Variants in IL7 observed in about 807,000 individuals in gnomAD.
The protein encoded by IL7 is interleukin 7, also known as interleukin-7.
A neutral mutation model predicts 21.6 loss-of-function variants in IL7; 3 were observed. The ratio of observed to expected loss-of-function variants is 0.14; its 90% CI spans 0.06 to 0.36. The LOEUF is 0.36. IL7 is among the 10% of genes least tolerant of loss of function. IL7 has a pLI of 1.00. For missense variants in IL7, 175 were observed against 200.2 expected (o/e 0.87, Z 0.76); for synonymous variants, 62 against 68.1 (o/e 0.91, Z 0.44).
chr8:78,755,146 A>C (rs563553101), intron 2 of IL7, among the ~76,000 whole-genome samples: 1 of 152,088 alleles, frequency 6.6e-6, no homozygotes, highest in South Asian at 2.1e-4. Context: ...CTGTAAATAC[A>C]TTGATTTATT....
chr8:78,712,306 T>C (rs1009863137), intron 3 of IL7, among the ~76,000 whole-genome samples: 14 of 152,164 alleles, frequency 9.2e-5, no homozygotes, highest in Non-Finnish European at 2.9e-5. Flanking sequence ...AATAAAACTT[T>C]TTAGGTTATA....
intron 2 of IL7, among the ~76,000 whole-genome samples, chr8:78,788,151 G>A (rs745824407): frequency 4.6e-5 from 7 of 152,080 alleles, no homozygotes; most frequent in South Asian, 2.1e-4. Context: ...TCTTATTTTC[G>A]TGGTCAGCCT....
intron 2 of IL7, among the ~76,000 whole-genome samples, chr8:78,797,171 G>A (rs544396555): frequency 2.6e-5 from 4 of 152,002 alleles, no homozygotes; most frequent in African/African-American, 9.6e-5. Context: ...CATACAGACC[G>A]CATGATTCTA....
intron 2 of IL7, among the ~76,000 whole-genome samples, chr8:78,752,105 T>C (rs1284196947): frequency 6.6e-6 from 1 of 152,240 alleles, no homozygotes; most frequent in African/African-American, 2.4e-5. Flanking sequence ...CAGGATTTCA[T>C]ACTTTTTTTA....
intron 2 of IL7, among the ~76,000 whole-genome samples, chr8:78,773,158 T>C (rs1396825724): frequency 1.3e-5 from 2 of 152,078 alleles, no homozygotes; most frequent in Non-Finnish European, 2.9e-5. Context: ...CACGGACCAG[T>C]CCTGGATAGG....
At chr8:78,743,563 A>C (rs562482633) in intron 2 of IL7, among the ~76,000 whole-genome samples, 1 of 151,154 alleles carries the variant, frequency 6.6e-6, no homozygotes, top group African/African-American at 2.4e-5. Context: ...GGTCTATTCT[A>C]CTATTAATAC....
intron 3 of IL7, among the ~76,000 whole-genome samples, chr8:78,698,679 T>C (rs1810510212): frequency 6.6e-6 from 1 of 152,202 alleles, no homozygotes. Context: ...GTATCTAAAT[T>C]TGTATAACCA....
At chr8:78,761,430 A>C (rs1222027125) in intron 2 of IL7, 2 of 1,611,832 alleles carry the variant, frequency 1.2e-6, no homozygotes, top group East Asian at 2.2e-5. Context: ...AATCCACTAG[A>C]GACAATGTAA....
intron 3 of IL7, among the ~76,000 whole-genome samples, chr8:78,687,929 A>T (rs1007215464): frequency 1.4e-5 from 2 of 142,798 alleles, no homozygotes; most frequent in Admixed American, 7.3e-5. Flanking sequence ...AATTATTTAT[A>T]TCTATATTTT....
intron 2 of IL7, among the ~76,000 whole-genome samples, chr8:78,782,227 C>T (rs1325445924): frequency 6.6e-6 from 1 of 152,166 alleles, no homozygotes; most frequent in Non-Finnish European, 1.5e-5. Context: ...GTTTATCCAT[C>T]TCAGCCTCAG....
At chr8:78,771,703 A>T (rs1178879051) in intron 2 of IL7, among the ~76,000 whole-genome samples, 3 of 152,170 alleles carry the variant, frequency 2.0e-5, no homozygotes, top group African/African-American at 7.2e-5. Context: ...TACTAATTAT[A>T]CATGAAAGCA....
chr8:78,721,459 G>A (rs1811236270), intron 3 of IL7: 1 of 152,002 alleles, frequency 6.6e-6, no homozygotes. Flanking sequence ...AAGAGATGTT[G>A]AGTAAAAGTT....
At chr8:78,676,478 G>A (rs964416904) in intron 4 of IL7, among the ~76,000 whole-genome samples, 6 of 151,820 alleles carry the variant, frequency 4.0e-5, no homozygotes, top group Non-Finnish European at 5.9e-5. Context: ...TAACTAAATA[G>A]GGAATAATAA....
intron 6 of IL7, chr8:78,718,045 A>G (rs1811160930): frequency 6.6e-6 from 1 of 152,042 alleles, no homozygotes; most frequent in Admixed American, 6.6e-5. Flanking sequence ...CCGAAAAACT[A>G]AGAGAAAAAA....
chr8:78,735,970 T>C (rs2130671103), intron 5 of IL7, among the ~76,000 whole-genome samples: 1 of 151,570 alleles, frequency 6.6e-6, no homozygotes, highest in East Asian at 1.9e-4. Context: ...TATTATTGTA[T>C]AATTTATCTA....
intron 4 of IL7, among the ~76,000 whole-genome samples, chr8:78,682,472 G>A (rs1213772165): frequency 3.9e-5 from 6 of 152,198 alleles, no homozygotes; most frequent in African/African-American, 1.4e-4. Context: ...CAAGAGCAGG[G>A]GAACTTCCCT....
intron 3 of IL7, among the ~76,000 whole-genome samples, chr8:78,687,098 C>T (rs953227955): frequency 6.6e-6 from 1 of 151,946 alleles, no homozygotes; most frequent in African/African-American, 2.4e-5. Flanking sequence ...TCTCATTGAG[C>T]AGATAAAAGT....
chr8:78,744,857 G>A (rs1222588884), intron 2 of IL7, among the ~76,000 whole-genome samples: 3 of 152,214 alleles, frequency 2.0e-5, no homozygotes, highest in African/African-American at 7.2e-5. Flanking sequence ...TTCGTGGGAA[G>A]AGTGTGGTTT....
intron 2 of IL7, among the ~76,000 whole-genome samples, chr8:78,763,803 G>A (rs1812658787): frequency 6.6e-6 from 1 of 152,124 alleles, no homozygotes; most frequent in African/African-American, 2.4e-5. Flanking sequence ...GCAGGAGCAG[G>A]AGGAATACTT....
Sources: gnomAD v4.1 joint callset for allele counts (sites outside exome capture counted in the v4.1 genomes callset) on GRCh38, gnomAD v4.1.1 for gene constraint, MANE v1.5 for transcripts, NCBI Gene and HGNC (gene_info 2026-07-23, HGNC 2026-07-21) for gene names.